Variants in GREB1L observed in about 807,000 individuals in gnomAD.
The protein encoded by GREB1L is GREB1 like retinoic acid receptor coactivator.
A neutral mutation model predicts 200.8 loss-of-function variants in GREB1L; 17 were observed. That is an observed-to-expected ratio of 0.08 (90% CI 0.06 to 0.13). The LOEUF is 0.13. Among genes scored for constraint, GREB1L ranks in the 10% least tolerant of loss-of-function variants. The pLI, the probability that GREB1L is intolerant of heterozygous loss-of-function variation, is 1.00. For synonymous variants in GREB1L, 789 were observed against 893.0 expected, an observed-to-expected ratio of 0.88 and a Z score of 2.08; for missense variants, 1,657 against 2,367.7, an observed-to-expected ratio of 0.70 and a Z score of 6.23.
intron 1 of GREB1L, among the ~76,000 whole-genome samples, chr18:21,311,480 T>C (rs1440794317): frequency 6.6e-6 from 1 of 152,186 alleles, no homozygotes; most frequent in Non-Finnish European, 1.5e-5. Context: ...TCTTTGCAAA[T>C]GAACATATTT....
rs181266518 is a variant in GREB1L, at chr18:21,503,048, G to A, written c.4073-2364G>A. Among the ~76,000 whole-genome samples the A allele has an allele frequency of 5.9e-4, 90 of 152,254 alleles. 1 individual carries two copies. Among genetic ancestry groups the A allele is most frequent in the African/African-American group, 2.1e-3 (88 of 41,546 alleles). On this transcript the variant is annotated intron_variant, in intron 23 of 32. Coordinates refer to ENST00000424526, the MANE Select transcript of GREB1L (RefSeq NM_001142966.3). Reference sequence around the variant, plus strand: ...TTTAAAAACTAAACTAGGCTTGAAAGTGCAGACTTTAGTTCAGGGATATAA... The same window carrying A: ...TTTAAAAACTAAACTAGGCTTGAAAATGCAGACTTTAGTTCAGGGATATAA...
chr18:21,486,271 G>A (rs1408851218), intron 18 of GREB1L, among the ~76,000 whole-genome samples: 3 of 151,712 alleles, frequency 2.0e-5, no homozygotes, highest in Non-Finnish European at 4.4e-5. Flanking sequence ...GGAGAATGGT[G>A]TGAACCCGGG....
intron 7 of GREB1L, among the ~76,000 whole-genome samples, chr18:21,411,607 A>G (rs1239078125): frequency 6.6e-6 from 1 of 152,208 alleles, no homozygotes; most frequent in Admixed American, 6.5e-5. Flanking sequence ...TACATAGTAA[A>G]GTAGAAAATG....
rs2037629878 is a variant in GREB1L, at chr18:21,523,052, T to A, written c.*231T>A. On this transcript the variant is annotated 3_prime_UTR_variant, in exon 33 of 33. Transcript: ENST00000424526. The stretch of plus-strand genomic sequence containing the variant: ...TCAGGTAAACTCTATCCTAGGCAGT[T>A]ATGCAATTACTTAAGATACGGTCTG... 4.8e-6 allele frequency: 2 copies of A among 419,912 alleles called. No individual in the cohort carries two copies. Among genetic ancestry groups the A allele is most frequent in the East Asian group, 4.0e-5 (1 of 25,290 alleles). The allele number at this position is 419,912 out of a possible 1,614,324, so 26.0% of individuals were successfully genotyped here.
chr18:21,412,612 C>T (rs1461800574), intron 7 of GREB1L, among the ~76,000 whole-genome samples: 2 of 152,102 alleles, frequency 1.3e-5, no homozygotes, highest in Non-Finnish European at 2.9e-5. Flanking sequence ...TTGAGGAATG[C>T]ATACAAAACA....
intron 1 of GREB1L, among the ~76,000 whole-genome samples, chr18:21,348,837 C>T (rs529300672): frequency 1.0e-3 from 158 of 152,180 alleles, no homozygotes; most frequent in African/African-American, 3.7e-3. Context: ...CCCAGCTACT[C>T]GGGAAGCTGA....
At chr18:21,489,121 G>A (rs2036235037) in intron 18 of GREB1L, among the ~76,000 whole-genome samples, 1 of 152,140 alleles carries the variant, frequency 6.6e-6, no homozygotes, top group Admixed American at 6.5e-5. Context: ...GCCTGGCTGA[G>A]GCGTAGCACC....
At chr18:21,513,713 C>G in intron 27 of GREB1L, 108 bp from the exon 28 acceptor site, 1 of 1,030,356 alleles carries the variant, frequency 9.7e-7, no homozygotes, top group Admixed American at 2.4e-5. Flanking sequence ...CTGCATGGTT[C>G]CCATGTGAAC....
chr18:21,388,022 C>G (rs1168851883), intron 4 of GREB1L, among the ~76,000 whole-genome samples: 3 of 152,286 alleles, frequency 2.0e-5, no homozygotes, highest in African/African-American at 7.2e-5. Context: ...ACATACTTTA[C>G]AGAAATAGAC....
chr18:21,408,653 G>A (rs892893034), intron 7 of GREB1L, among the ~76,000 whole-genome samples: 19 of 152,054 alleles, frequency 1.2e-4, no homozygotes, highest in Non-Finnish European at 2.4e-4. Context: ...AATTAGCCAG[G>A]TGTGGTGGTG....
intron 31 of GREB1L, among the ~76,000 whole-genome samples, chr18:21,519,065 A>G (rs2037523739): frequency 1.3e-5 from 2 of 152,228 alleles, no homozygotes; most frequent in South Asian, 4.1e-4. Context: ...TTAAAATTTC[A>G]CAGTGTAAAC....
At chr18:21,395,328 G>A (rs566630859) in intron 4 of GREB1L, 57 bp from the exon 5 acceptor site, 12 of 1,285,368 alleles carry the variant, frequency 9.3e-6, no homozygotes, top group Non-Finnish European at 1.3e-5. Flanking sequence ...TGAGTGATAA[G>A]AAGATATAAT....
At chr18:21,458,318 C>G (rs1301005493) in intron 15 of GREB1L, among the ~76,000 whole-genome samples, 4 of 152,144 alleles carry the variant, frequency 2.6e-5, no homozygotes, top group Non-Finnish European at 5.9e-5. Context: ...CGTTTCATGC[C>G]TCTCTTGGGC....
At chr18:21,335,581 TGA>T (rs957395739) in intron 1 of GREB1L, among the ~76,000 whole-genome samples, 6 of 152,154 alleles carry the variant, frequency 3.9e-5, no homozygotes, top group Non-Finnish European at 5.9e-5. Flanking sequence ...ACTTAAGACT[TGA>T]GAGTTTCTCA....
chr18:21,257,481 T>G (rs2144058534), intron 1 of GREB1L, among the ~76,000 whole-genome samples: 1 of 152,386 alleles, frequency 6.6e-6, no homozygotes, highest in Admixed American at 6.5e-5. Context: ...ATGGACCATT[T>G]GCATAATCTA....
At chr18:21,422,668 A>G (rs2032248765) in intron 7 of GREB1L, among the ~76,000 whole-genome samples, 1 of 152,208 alleles carries the variant, frequency 6.6e-6, no homozygotes, top group Non-Finnish European at 1.5e-5. Context: ...TGGATATGCC[A>G]TAATTTATTT....
intron 7 of GREB1L, among the ~76,000 whole-genome samples, chr18:21,424,382 A>G (rs572264612): frequency 6.6e-6 from 1 of 152,304 alleles, no homozygotes; most frequent in South Asian, 2.1e-4. Context: ...AGCCTGGCCA[A>G]CATGGCAAAA....
intron 1 of GREB1L, among the ~76,000 whole-genome samples, chr18:21,349,388 A>G (rs1384262541): frequency 6.6e-6 from 1 of 152,096 alleles, no homozygotes; most frequent in African/African-American, 2.4e-5. Flanking sequence ...CATGCACCCA[A>G]CAATTAACTT....
In GREB1L at chr18:21,514,770, G is replaced by A. The variant is rs570904096; in HGVS notation, c.4902-647G>A. 3.9e-5 allele frequency among the ~76,000 whole-genome samples: 6 copies of A among 152,248 alleles called. No homozygotes were observed. The East Asian group carries it at 1.2e-3, about 29-fold the overall frequency. ...TTAACTGTCTGTATGAAAAAGGAAA[G>A]TCATCTCACCTCTCCATATCTCAAG... is the stretch of plus-strand genomic sequence containing the variant. On this transcript the variant is annotated intron_variant, in intron 28 of 32. Transcript: ENST00000424526.
Sources: gnomAD v4.1 joint callset for allele counts (sites outside exome capture counted in the v4.1 genomes callset) on GRCh38, gnomAD v4.1.1 for gene constraint, MANE v1.5 for transcripts, NCBI Gene and HGNC (gene_info 2026-07-23, HGNC 2026-07-21) for gene names.